The following ANKIB1 variants were observed in gnomAD, a reference collection of about 807,000 sequenced individuals.
ANKIB1 encodes ankyrin repeat and IBR domain-containing protein 1.
In ANKIB1, 43 loss-of-function variants were observed where a neutral mutation model predicts 122.1. The ratio of observed to expected loss-of-function variants is 0.35; its 90% CI spans 0.28 to 0.45. ANKIB1 has a LOEUF of 0.45. Among genes scored for constraint, ANKIB1 ranks in the 20% least tolerant of loss-of-function variants. ANKIB1 has a pLI of 1.00. For missense variants in ANKIB1, 992 were observed against 1,329.5 expected, an observed-to-expected ratio of 0.75 and a Z score of 3.95; for synonymous variants, 390 against 442.0, an observed-to-expected ratio of 0.88 and a Z score of 1.48.
Position 92,260,378 on chromosome 7 carries a change from C to T in ANKIB1, c.-91+13859C>T, listed in dbSNP as rs532583220. On this transcript the variant is annotated intron_variant, in intron 1 of 19. Coordinates refer to ENST00000265742, the MANE Select transcript of ANKIB1 (RefSeq NM_019004.2). ...ACTCACTACATCACCTTCTTTAGCT[C>T]GTTGATGAAACGTCACTTTGGGCTT... 1.8e-4 allele frequency among the ~76,000 whole-genome samples: 28 copies of T among 152,288 alleles called. No homozygotes were observed. In the South Asian group the frequency reaches 5.2e-3, roughly 28 times the overall value.
intron 2 of ANKIB1, among the ~76,000 whole-genome samples, chr7:92,298,928 C>T (rs928940874): frequency 1.3e-5 from 2 of 152,184 alleles, no homozygotes; most frequent in Non-Finnish European, 2.9e-5. Flanking sequence ...TACCAGAATA[C>T]GACGATGGCT....
At chr7:92,357,955 A>T (rs576761260) in intron 9 of ANKIB1, among the ~76,000 whole-genome samples, 8 of 152,256 alleles carry the variant, frequency 5.3e-5, no homozygotes, top group African/African-American at 1.7e-4. Context: ...ATTAAATGGC[A>T]ACCTCGGCCA....
At chr7:92,247,504 C>T (rs1377749942) in intron 1 of ANKIB1, among the ~76,000 whole-genome samples, 1 of 152,220 alleles carries the variant, frequency 6.6e-6, no homozygotes, top group Non-Finnish European at 1.5e-5. Flanking sequence ...ACAGATGTTA[C>T]ACACCTTGGT....
intron 11 of ANKIB1, among the ~76,000 whole-genome samples, chr7:92,381,189 G>GA (rs889764576): frequency 1.4e-4 from 21 of 152,176 alleles, no homozygotes; most frequent in African/African-American, 4.3e-4. Flanking sequence ...GAAGTTGGGA[G>GA]AAAAAAGAGT....
At chr7:92,393,526 G>T (rs1014025745) in intron 17 of ANKIB1, among the ~76,000 whole-genome samples, 1 of 152,018 alleles carries the variant, frequency 6.6e-6, no homozygotes, top group East Asian at 1.9e-4. Context: ...AATGATTTCC[G>T]TGTTTTAAGG....
chr7:92,308,300 G>A (rs1802610579), intron 3 of ANKIB1, among the ~76,000 whole-genome samples: 2 of 152,108 alleles, frequency 1.3e-5, no homozygotes, highest in Admixed American at 1.3e-4. Flanking sequence ...TAAGATATTG[G>A]TCATCAATTA....
At position 92,323,680 on chromosome 7, in the gene ANKIB1, G is replaced by A. The variant is rs538464225; in HGVS notation, c.670-4103G>A. ...CAGTACTATTTGTAATAGCCAAAAG[G>A]TGAAAACAACTCAAACGTTTATCAA... On this transcript the variant is annotated intron_variant, in intron 4 of 19. Transcript: ENST00000265742. 1.2e-3 allele frequency among the ~76,000 whole-genome samples: 179 copies of A among 152,250 alleles called. 1 individual carries two copies. The highest frequency in any genetic ancestry group is 4.0e-3 in the African/African-American group (168 of 41,548).
chr7:92,352,408 GTACAC>G (rs1803684100), intron 8 of ANKIB1, 63 bp from the exon 9 acceptor site: 2 of 1,473,100 alleles, frequency 1.4e-6, no homozygotes. Context: ...TACCATAGAG[GTACAC>G]TCTGTATTAG....
At chr7:92,303,501 A>G (rs1562776183) in intron 2 of ANKIB1, among the ~76,000 whole-genome samples, 2 of 152,124 alleles carry the variant, frequency 1.3e-5, no homozygotes. Context: ...TAAACCATTG[A>G]AAGAGAAATG....
chr7:92,311,562 C>T (rs1473394988), intron 3 of ANKIB1, among the ~76,000 whole-genome samples: 1 of 152,042 alleles, frequency 6.6e-6, no homozygotes, highest in African/African-American at 2.4e-5. Context: ...GTTTTTCTCT[C>T]TGGTATATTT....
At chr7:92,390,253 T>A (rs1804758269) in intron 15 of ANKIB1, 137 bp downstream of exon 15, 2 of 743,312 alleles carry the variant, frequency 2.7e-6, no homozygotes, top group Non-Finnish European at 4.0e-6. Context: ...AAATGGTTTT[T>A]AAATAAAGGA....
chr7:92,326,571 G>T (rs1273448869), intron 4 of ANKIB1, among the ~76,000 whole-genome samples: 2 of 152,122 alleles, frequency 1.3e-5, no homozygotes, highest in African/African-American at 2.4e-5. Flanking sequence ...TCTGGATTTG[G>T]AATACATTTT....
intron 9 of ANKIB1, among the ~76,000 whole-genome samples, chr7:92,361,828 A>T (rs1244576725): frequency 3.1e-4 from 47 of 149,364 alleles, no homozygotes; most frequent in African/African-American, 9.6e-4. Flanking sequence ...TTTTTTTTTT[A>T]AATGGAGTTT....
intron 1 of ANKIB1, among the ~76,000 whole-genome samples, chr7:92,253,340 C>G (rs185262330): frequency 3.7e-4 from 57 of 152,340 alleles, no homozygotes; most frequent in Admixed American, 1.8e-3. Flanking sequence ...TCATCTACCC[C>G]TACTAACACA....
At chr7:92,246,629 T>G (rs1801054454) in intron 1 of ANKIB1, 110 bp downstream of exon 1, 1 of 457,202 alleles carries the variant, frequency 2.2e-6, no homozygotes, top group Non-Finnish European at 4.4e-6. Flanking sequence ...TAGGAGTGTG[T>G]CTGTCGCCTG....
intron 1 of ANKIB1, among the ~76,000 whole-genome samples, chr7:92,255,425 A>G (rs1344445847): frequency 6.6e-6 from 1 of 152,224 alleles, no homozygotes; most frequent in African/African-American, 2.4e-5. Flanking sequence ...CCACAGTGCT[A>G]TCAGGAATGC....
At chr7:92,300,155 T>C (rs948833546) in intron 2 of ANKIB1, among the ~76,000 whole-genome samples, 2 of 152,110 alleles carry the variant, frequency 1.3e-5, no homozygotes, top group African/African-American at 4.8e-5. Flanking sequence ...TAAAATAATA[T>C]AAGAACTGCT....
chr7:92,348,543 G>T (rs560955211), intron 7 of ANKIB1, among the ~76,000 whole-genome samples: 1 of 152,064 alleles, frequency 6.6e-6, no homozygotes, highest in Admixed American at 6.6e-5. Context: ...CCGGCACCAT[G>T]CCAAGCTAAT....
chr7:92,377,237 G>C (rs1012874863), intron 11 of ANKIB1, among the ~76,000 whole-genome samples: 1 of 152,010 alleles, frequency 6.6e-6, no homozygotes, highest in Admixed American at 6.6e-5. Context: ...TAATATTGTT[G>C]TGTCTTAGGA....
Sources: gnomAD v4.1 joint callset for allele counts (sites outside exome capture counted in the v4.1 genomes callset) on GRCh38, gnomAD v4.1.1 for gene constraint, MANE v1.5 for transcripts, NCBI Gene and HGNC (gene_info 2026-07-23, HGNC 2026-07-21) for gene names.